CLDN20: variants seen among roughly 807,000 people sequenced by gnomAD.
The protein encoded by CLDN20 is claudin 20.
For missense variants in CLDN20, 258 were observed against 267.9 expected, an observed-to-expected ratio of 0.96 and a Z score of 0.26; for synonymous variants, 104 against 103.6, an observed-to-expected ratio of 1.00 and a Z score of -0.03.
rs139854187 is a variant in CLDN20, at chr6:155,275,934, C to T, written c.215C>T (p.Ser72Phe). The T allele has an allele frequency of 3.1e-6, 5 of 1,614,142 alleles. No homozygotes were observed. The highest frequency in any genetic ancestry group is 2.7e-5 in the African/African-American group (2 of 75,014). ...TGTGCCCTGAAACACTCCATTCTGT[C>T]CCTCCCCATCCACGTGCAGGCTGCG... Reference protein sequence around the residue: ...FSCALKHSILSLPIHVQAARA... With the variant: ...FSCALKHSILFLPIHVQAARA... Residue 72 changes from serine (S) to phenylalanine (F), a missense_variant, in exon 2 of 2, where the codon TCC becomes TTC. By Grantham distance (155) the Ser-to-Phe change is radical. Coordinates refer to ENST00000367165, the MANE Select transcript of CLDN20 (RefSeq NM_001001346.3).
intron 1 of CLDN20, among the ~76,000 whole-genome samples, chr6:155,264,790 G>A (rs1784545013): frequency 6.6e-6 from 1 of 152,062 alleles, no homozygotes. Flanking sequence ...TGTGGTGAGG[G>A]GGATGAAGAG....
At position 155,264,199 on chromosome 6, in the gene CLDN20, C is replaced by T. The variant is rs894851568; in HGVS notation, c.-194C>T. ...TCCGGATGCTTGGTTTCCCCACCCT[C>T]CAGTGTCTGCTTGCTCTTCAAGTAC... On this transcript the variant is annotated 5_prime_UTR_variant, in exon 1 of 2. Transcript: ENST00000367165. 1 of 152,146 alleles carries T rather than the reference C, an allele frequency of 6.6e-6. No homozygotes were observed. The highest frequency in any genetic ancestry group is 2.4e-5 in the African/African-American group (1 of 41,438). 9.4% of individuals were successfully genotyped at this position (152,146 alleles called of 1,614,324 possible). A position where few individuals can be genotyped will look rare whatever the true frequency, so the allele number is the denominator to read the frequency against.
At chr6:155,268,500 A>C (rs1393704040) in intron 1 of CLDN20, among the ~76,000 whole-genome samples, 2 of 152,192 alleles carry the variant, frequency 1.3e-5, no homozygotes, top group African/African-American at 4.8e-5. Flanking sequence ...TTATTTCCAA[A>C]ATACTCAGTT....
intron 1 of CLDN20, among the ~76,000 whole-genome samples, chr6:155,265,619 C>A (rs1784592201): frequency 1.3e-5 from 2 of 148,502 alleles, no homozygotes; most frequent in Non-Finnish European, 1.5e-5. Context: ...GAATGGAAAG[C>A]AAAGAAGAAA....
intron 1 of CLDN20, among the ~76,000 whole-genome samples, chr6:155,274,601 T>C (rs190052808): frequency 8.4e-4 from 128 of 152,362 alleles, no homozygotes; most frequent in African/African-American, 3.0e-3. Flanking sequence ...CATGTTCTTA[T>C]ATACAAAAAA....
intron 1 of CLDN20, among the ~76,000 whole-genome samples, chr6:155,274,746 T>A (rs929007779): frequency 6.6e-6 from 1 of 152,248 alleles, no homozygotes; most frequent in African/African-American, 2.4e-5. Flanking sequence ...TCCACTGCTG[T>A]CCTTCCTCCT....
chr6:155,273,652 CA>C (rs1353531773), intron 1 of CLDN20, among the ~76,000 whole-genome samples: 1 of 151,972 alleles, frequency 6.6e-6, no homozygotes. Flanking sequence ...GGGAAACACA[CA>C]GGGGGAGAAA....
intron 1 of CLDN20, among the ~76,000 whole-genome samples, chr6:155,273,005 G>C (rs927851261): frequency 6.6e-6 from 1 of 152,206 alleles, no homozygotes; most frequent in Non-Finnish European, 1.5e-5. Flanking sequence ...AGAAAAGTGA[G>C]CAAGCAGATG....
intron 1 of CLDN20, among the ~76,000 whole-genome samples, chr6:155,265,758 T>A (rs1784608215): frequency 6.9e-6 from 1 of 145,076 alleles, no homozygotes; most frequent in African/African-American, 2.5e-5. Context: ...ATATAATATA[T>A]ATTTAATATA....
chr6:155,267,626 C>T (rs939342230), intron 1 of CLDN20, among the ~76,000 whole-genome samples: 3 of 152,150 alleles, frequency 2.0e-5, no homozygotes, highest in Non-Finnish European at 4.4e-5. Context: ...TAAAACTGGT[C>T]TTGGTGTTAC....
At chr6:155,267,495 T>C (rs998339998) in intron 1 of CLDN20, among the ~76,000 whole-genome samples, 1 of 152,212 alleles carries the variant, frequency 6.6e-6, no homozygotes, top group African/African-American at 2.4e-5. Flanking sequence ...TGTGTTGTTT[T>C]GAAAGAAAGC....
intron 1 of CLDN20, among the ~76,000 whole-genome samples, chr6:155,266,970 C>CTTTT (rs375412255): frequency 1.6e-4 from 21 of 127,366 alleles, no homozygotes; most frequent in African/African-American, 5.9e-4. Context: ...ACTTTGCTGC[C>CTTTT]TTTTTTTTTT....
intron 1 of CLDN20, among the ~76,000 whole-genome samples, chr6:155,274,126 A>C (rs993151275): frequency 2.0e-5 from 3 of 152,238 alleles, no homozygotes; most frequent in Non-Finnish European, 4.4e-5. Context: ...GTATAAAGCT[A>C]AGAACTGGCC....
intron 1 of CLDN20, 89 bp from the exon 2 acceptor site, chr6:155,275,527 C>T: frequency 1.7e-6 from 1 of 586,426 alleles, no homozygotes; most frequent in Non-Finnish European, 3.0e-6. Context: ...GGGGGATACT[C>T]AGATGTGTTC....
At position 155,276,370 on chromosome 6, in the gene CLDN20, T is replaced by C; in HGVS notation, c.651T>C (p.Asp217=). The C allele has an allele frequency of 6.2e-7, 1 of 1,612,496 alleles. No homozygotes were observed. The highest frequency in any genetic ancestry group is 8.5e-7 in the Non-Finnish European group (1 of 1,179,508). ...LENNSTHNLK[D]YV ...ACAATTCCACACACAATCTGAAGGA[T>C]TATGTGTAAATAACTGAGTAATGCA... Residue 217 remains aspartate, a synonymous_variant, in exon 2 of 2, where the codon GAT becomes GAC. Coordinates refer to ENST00000367165, the MANE Select transcript of CLDN20 (RefSeq NM_001001346.3).
rs191128847 is a variant in CLDN20, at chr6:155,275,775, C to G, written c.56C>G (p.Ser19Cys). ...LAFILALSGV[S>C]GVLTATLLPN... The stretch of plus-strand genomic sequence containing the variant: ...TTCATCCTGGCCTTATCTGGGGTCT[C>G]TGGAGTGCTCACAGCCACTCTGCTG... The change falls in exon 2 of 2, where the codon TCT becomes TGT. Residue 19 changes from serine to cysteine, a missense_variant. By Grantham distance (112) the Ser-to-Cys change is moderately radical (BLOSUM62 -1). Coordinates refer to ENST00000367165, the MANE Select transcript of CLDN20 (RefSeq NM_001001346.3). 76 of 1,614,144 alleles carry G rather than the reference C, an allele frequency of 4.7e-5. No homozygotes were observed. The highest frequency in any genetic ancestry group is 2.5e-5 in the Non-Finnish European group (30 of 1,180,008).
chr6:155,269,936 G>C (rs1784845895), intron 1 of CLDN20, among the ~76,000 whole-genome samples: 1 of 152,352 alleles, frequency 6.6e-6, no homozygotes, highest in South Asian at 2.1e-4. Flanking sequence ...TGGCACAGGA[G>C]AATCAGTGAT....
At chr6:155,268,045 G>A (rs777951028) in intron 1 of CLDN20, among the ~76,000 whole-genome samples, 1 of 152,134 alleles carries the variant, frequency 6.6e-6, no homozygotes, top group East Asian at 1.9e-4. Flanking sequence ...TTTACAGACC[G>A]AAGATGCCCT....
intron 1 of CLDN20, among the ~76,000 whole-genome samples, chr6:155,264,669 C>G (rs1272885313): frequency 2.0e-5 from 3 of 152,014 alleles, no homozygotes; most frequent in African/African-American, 7.2e-5. Context: ...AAAAAAAGAA[C>G]AGATTTTAAA....
Sources: allele counts gnomAD v4.1 joint callset (sites outside exome capture counted in the v4.1 genomes callset), GRCh38; gene constraint gnomAD v4.1.1; transcripts MANE v1.5; gene names NCBI Gene and HGNC (gene_info 2026-07-23, HGNC 2026-07-21).